GRIN2A: variants seen among roughly 807,000 people sequenced by gnomAD.
The protein encoded by GRIN2A is glutamate ionotropic receptor NMDA type subunit 2A.
Under a neutral mutation model 113.4 loss-of-function variants are expected in GRIN2A, and 22 were observed. The observed-to-expected ratio is 0.19, with a 90% CI of 0.14 to 0.28. The LOEUF is 0.28. Ranked by LOEUF, GRIN2A falls within the 10% of genes least tolerant of loss-of-function variation. The pLI, the probability that GRIN2A is intolerant of heterozygous loss-of-function variation, is 1.00. For missense variants in GRIN2A, 1,502 were observed against 1,887.0 expected, an observed-to-expected ratio of 0.80 and a Z score of 3.78; for synonymous variants, 827 against 738.4, an observed-to-expected ratio of 1.12 and a Z score of -1.94.
At chr16:9,848,798 C>T (rs1218126232) in intron 5 of GRIN2A, among the ~76,000 whole-genome samples, 1 of 96,286 alleles carries the variant, frequency 1.0e-5, no homozygotes, top group African/African-American at 5.3e-5. Context: ...ATATAAAATA[C>T]ACTGTTTTAT....
chr16:9,886,305 GA>G lies in GRIN2A; in HGVS notation c.1122+4680del, dbSNP rs199578991. On this transcript the variant is annotated intron_variant, in intron 4 of 12. Transcript: ENST00000330684. ...CATTTTGGCTTTACATGTGTAAGAG[GA>G]AAAAAAATCAGGATTTGAAAGATGG... Among the ~76,000 whole-genome samples the G allele has an allele frequency of 5.3e-5, 8 of 151,994 alleles. No individual in the cohort carries two copies. The South Asian group carries it at 1.2e-3, about 24-fold the overall frequency.
At chr16:9,859,334 AC>A (rs1369817559) in intron 4 of GRIN2A, among the ~76,000 whole-genome samples, 2 of 152,170 alleles carry the variant, frequency 1.3e-5, no homozygotes, top group Admixed American at 6.5e-5. Flanking sequence ...TTAAAATAGC[AC>A]TAAAAACCGT....
chr16:9,981,662 T>C (rs1328375127), intron 2 of GRIN2A, among the ~76,000 whole-genome samples: 1 of 152,236 alleles, frequency 6.6e-6, no homozygotes, highest in Non-Finnish European at 1.5e-5. Context: ...AAATTTACCT[T>C]AATCCTTAAT....
intron 4 of GRIN2A, among the ~76,000 whole-genome samples, chr16:9,858,602 A>G (rs1260590594): frequency 6.6e-6 from 1 of 152,210 alleles, no homozygotes; most frequent in African/African-American, 2.4e-5. Context: ...GAAATATAAA[A>G]AGGGTAGATT....
At position 9,840,966 on chromosome 16, in the gene GRIN2A, A is replaced by C. The variant is rs539486038; in HGVS notation, c.1467T>G (p.Val489=). ...LVTNGKHGKK[V]NNVWNGMIGE... ...CGATCATTCCATTCCACACATTGTT[A>C]ACTTTCTTGCCATGCTTCCCATTGG... Residue 489 remains valine, a synonymous_variant, in exon 6 of 13, where the codon GTT becomes GTG. Transcript: ENST00000330684. 6.2e-7 allele frequency: 1 copy of C among 1,614,056 alleles called. No individual in the cohort carries two copies. Among genetic ancestry groups the C allele is most frequent in the African/African-American group, 1.3e-5 (1 of 75,028 alleles).
intron 4 of GRIN2A, among the ~76,000 whole-genome samples, chr16:9,875,139 G>A (rs1329493352): frequency 6.6e-6 from 1 of 151,812 alleles, no homozygotes; most frequent in Non-Finnish European, 1.5e-5. Flanking sequence ...TGGGACTACA[G>A]GTGGCTCCTC....
intron 2 of GRIN2A, among the ~76,000 whole-genome samples, chr16:10,054,064 G>A (rs570805538): frequency 6.6e-6 from 1 of 151,846 alleles, no homozygotes; most frequent in Non-Finnish European, 1.5e-5. Context: ...GTGACAATAA[G>A]AAGTTAAAAT....
intron 7 of GRIN2A, among the ~76,000 whole-genome samples, chr16:9,836,664 C>T (rs2042587850): frequency 6.6e-6 from 1 of 152,196 alleles, no homozygotes; most frequent in South Asian, 2.1e-4. Flanking sequence ...AAATTAAGTA[C>T]CTATCAGTGC....
At chr16:9,820,638 G>C (rs902267229) in intron 10 of GRIN2A, among the ~76,000 whole-genome samples, 4 of 152,072 alleles carry the variant, frequency 2.6e-5, no homozygotes, top group Non-Finnish European at 5.9e-5. Flanking sequence ...AGCCAAAGAC[G>C]ACAAAAAAGA....
At chr16:9,994,432 TCTCA>T (rs1474460585) in intron 2 of GRIN2A, among the ~76,000 whole-genome samples, 1 of 151,462 alleles carries the variant, frequency 6.6e-6, no homozygotes, top group Non-Finnish European at 1.5e-5. Context: ...AATGAGAGAG[TCTCA>T]GCAATGGGAT....
intron 2 of GRIN2A, among the ~76,000 whole-genome samples, chr16:10,067,468 T>C (rs1376374703): frequency 1.3e-5 from 2 of 152,354 alleles, no homozygotes; most frequent in African/African-American, 4.8e-5. Context: ...TTAGCATCCA[T>C]GCCAATGACA....
chr16:10,162,867 G>A (rs1205870633), intron 2 of GRIN2A, among the ~76,000 whole-genome samples: 1 of 152,148 alleles, frequency 6.6e-6, no homozygotes, highest in Non-Finnish European at 1.5e-5. Flanking sequence ...AAACCTCCAT[G>A]AACCAGGACA....
At chr16:9,993,990 GA>G (rs1251529998) in intron 2 of GRIN2A, among the ~76,000 whole-genome samples, 1 of 152,190 alleles carries the variant, frequency 6.6e-6, no homozygotes. Context: ...TATTCTACAG[GA>G]ATTGCAGATG....
At chr16:9,769,451 C>CTTTTTTTTTTTTTTTTTTTTGTTTTTTTT (rs1901126611) in intron 11 of GRIN2A, among the ~76,000 whole-genome samples, 1 of 104,890 alleles carries the variant, frequency 9.5e-6, no homozygotes, top group Non-Finnish European at 1.9e-5. Flanking sequence ...GGAGTTTTGT[C>CTTTTTTTTTTTTTTTTTTTTGTTTTTTTT]TTTTTTTTTT....
intron 5 of GRIN2A, among the ~76,000 whole-genome samples, chr16:9,846,602 G>A (rs911552051): frequency 1.3e-5 from 2 of 152,150 alleles, no homozygotes; most frequent in Admixed American, 6.5e-5. Context: ...AACTGAGGGT[G>A]CAAATATTAA....
intron 2 of GRIN2A, among the ~76,000 whole-genome samples, chr16:10,114,800 G>T (rs2048696981): frequency 6.6e-6 from 1 of 152,234 alleles, no homozygotes; most frequent in South Asian, 2.1e-4. Flanking sequence ...TGGCAAAATA[G>T]AGAATTTATG....
At chr16:9,870,715 G>A (rs750881672) in intron 4 of GRIN2A, among the ~76,000 whole-genome samples, 1 of 149,474 alleles carries the variant, frequency 6.7e-6, no homozygotes, top group Non-Finnish European at 1.5e-5. Context: ...TTGGCTCACC[G>A]CAACCTCCGC....
At chr16:10,124,733 G>C (rs942352225) in intron 2 of GRIN2A, among the ~76,000 whole-genome samples, 1 of 152,192 alleles carries the variant, frequency 6.6e-6, no homozygotes, top group African/African-American at 2.4e-5. Context: ...GTACAAGACA[G>C]AGCAGAGGCC....
intron 2 of GRIN2A, among the ~76,000 whole-genome samples, chr16:10,040,143 A>T (rs1391539188): frequency 3.4e-5 from 1 of 29,438 alleles, no homozygotes; most frequent in African/African-American, 1.3e-4. Context: ...CACACCACAC[A>T]TACACACTCG....
Sources: allele counts gnomAD v4.1 joint callset (sites outside exome capture counted in the v4.1 genomes callset), GRCh38; gene constraint gnomAD v4.1.1; transcripts MANE v1.5; gene names NCBI Gene and HGNC (gene_info 2026-07-23, HGNC 2026-07-21).